The following ZNF487 variants were observed in gnomAD, a reference collection of about 807,000 sequenced individuals.
ZNF487 encodes the protein KRAB domain only 1.
A neutral mutation model predicts 3.0 loss-of-function variants in ZNF487; 4 were observed. The observed-to-expected ratio is 1.35, with a 90% CI of 0.66 to 3.08. The LOEUF (loss-of-function observed/expected upper bound fraction) is 3.08, where lower values mean the gene tolerates loss of function less well. ZNF487 is among the 30% of genes most tolerant of loss of function. The pLI is 0.01. For missense variants in ZNF487, 146 were observed against 98.7 expected (o/e 1.48, Z -2.03); for synonymous variants, 55 against 34.6 (o/e 1.59, Z -2.06).
At chr10:43,446,183 A>T (rs529045030) in intron 1 of ZNF487, among the ~76,000 whole-genome samples, 1 of 152,270 alleles carries the variant, frequency 6.6e-6, no homozygotes, top group South Asian at 2.1e-4. Flanking sequence ...GTTCTCAATG[A>T]GCTGTTGGGT....
the ZNF487 span, among the ~76,000 whole-genome samples, chr10:43,511,545 G>A: frequency 3.9e-5 from 6 of 152,286 alleles, no homozygotes; most frequent in Non-Finnish European, 8.8e-5. Flanking sequence ...CCACCAGGTA[G>A]CTGGCTGATC....
chr10:43,447,010 G>A (rs542783449), intron 1 of ZNF487, among the ~76,000 whole-genome samples: 10 of 152,078 alleles, frequency 6.6e-5, no homozygotes, highest in South Asian at 4.2e-4. Context: ...TGGCCAACAC[G>A]GCGAAACCCC....
At chr10:43,441,556 C>CAT (rs1839611367) in intron 1 of ZNF487, among the ~76,000 whole-genome samples, 1 of 151,882 alleles carries the variant, frequency 6.6e-6, no homozygotes, top group Non-Finnish European at 1.5e-5. Context: ...CATGAGCCAC[C>CAT]GCGCCTGGCC....
chr10:43,480,419 A>T (rs542253072), intron 3 of ZNF487, among the ~76,000 whole-genome samples: 7 of 140,228 alleles, frequency 5.0e-5, no homozygotes, highest in Middle Eastern at 5.3e-3. Flanking sequence ...TTTTATTATT[A>T]TTTTTTTATT....
chr10:43,446,874 A>G (rs2132047106), intron 1 of ZNF487, among the ~76,000 whole-genome samples: 1 of 152,198 alleles, frequency 6.6e-6, no homozygotes, highest in South Asian at 2.1e-4. Context: ...GTGAGCGGAG[A>G]TCACGCCACT....
At chr10:43,509,207 G>T in the ZNF487 span, among the ~76,000 whole-genome samples, 1 of 143,758 alleles carries the variant, frequency 7.0e-6, no homozygotes. Flanking sequence ...AAAAAAAAAA[G>T]AATTGAAACT....
At chr10:43,461,369 C>T (rs942284561) in intron 1 of ZNF487, among the ~76,000 whole-genome samples, 1 of 150,952 alleles carries the variant, frequency 6.6e-6, no homozygotes, top group African/African-American at 2.4e-5. Context: ...CAGGCTGGAG[C>T]GCAGTGGTGT....
chr10:43,471,908 A>T (rs1040066072), intron 1 of ZNF487, among the ~76,000 whole-genome samples: 3 of 152,202 alleles, frequency 2.0e-5, no homozygotes, highest in African/African-American at 2.4e-5. Flanking sequence ...AGCTATATAT[A>T]AAATAGGTGA....
chr10:43,497,422 G>C, the ZNF487 span, among the ~76,000 whole-genome samples: 1 of 152,212 alleles, frequency 6.6e-6, no homozygotes, highest in African/African-American at 2.4e-5. Context: ...TTTGAGCAAA[G>C]AAGTGACAGG....
chr10:43,493,710 ATATATAT>A, the ZNF487 span, among the ~76,000 whole-genome samples: 180 of 24,882 alleles, frequency 7.2e-3, 3 homozygotes, highest in African/African-American at 8.8e-3. Context: ...AAAAAAAAAA[ATATATAT>A]ATATATATAT....
chr10:43,447,455 TG>T (rs1390453041), intron 1 of ZNF487, among the ~76,000 whole-genome samples: 2 of 152,128 alleles, frequency 1.3e-5, no homozygotes, highest in African/African-American at 4.8e-5. Flanking sequence ...TTGGCCAGGC[TG>T]GTCTTGAACT....
the ZNF487 span, among the ~76,000 whole-genome samples, chr10:43,518,126 C>T: frequency 7.2e-4 from 110 of 152,228 alleles, no homozygotes; most frequent in African/African-American, 2.5e-3. Flanking sequence ...TCACAGATAC[C>T]CAGAATAAAA....
chr10:43,443,593 C>T (rs888284834), intron 1 of ZNF487, among the ~76,000 whole-genome samples: 2 of 151,926 alleles, frequency 1.3e-5, no homozygotes, highest in Non-Finnish European at 2.9e-5. Flanking sequence ...AGGCTGGTCT[C>T]GAACTCCTGA....
intron 1 of ZNF487, among the ~76,000 whole-genome samples, chr10:43,445,443 C>G (rs1233108595): frequency 6.6e-6 from 1 of 152,046 alleles, no homozygotes; most frequent in Non-Finnish European, 1.5e-5. Context: ...TTTTGTATTC[C>G]TGTGAATCTT....
chr10:43,492,035 G>GTGAT, the ZNF487 span, among the ~76,000 whole-genome samples: 1 of 151,758 alleles, frequency 6.6e-6, no homozygotes. Flanking sequence ...CTAGGCTCAA[G>GTGAT]TGATTCTTCC....
chr10:43,487,811 G>A (rs564672107), downstream of ZNF487, among the ~76,000 whole-genome samples: 2 of 151,658 alleles, frequency 1.3e-5, no homozygotes, highest in Admixed American at 6.6e-5. Flanking sequence ...GAGGCCGGGC[G>A]CAGTGGCCCT....
At chr10:43,469,875 A>G (rs58847633) in intron 1 of ZNF487, among the ~76,000 whole-genome samples, 3 of 151,904 alleles carry the variant, frequency 2.0e-5, no homozygotes, top group Non-Finnish European at 4.4e-5. Flanking sequence ...TCTTGAACCC[A>G]GGAGGCAGAG....
At chr10:43,500,304 C>T in the ZNF487 span, among the ~76,000 whole-genome samples, 1 of 152,070 alleles carries the variant, frequency 6.6e-6, no homozygotes, top group African/African-American at 2.4e-5. Context: ...GCCACCACGC[C>T]TGGCCACACC....
chr10:43,502,173 A>G, the ZNF487 span, among the ~76,000 whole-genome samples: 797 of 152,368 alleles, frequency 5.2e-3, 2 homozygotes, highest in Middle Eastern at 0.048. Flanking sequence ...AAAATTTGGC[A>G]CATATACACC....
Sources: gnomAD v4.1 joint callset for allele counts (sites outside exome capture counted in the v4.1 genomes callset) on GRCh38, gnomAD v4.1.1 for gene constraint, MANE v1.5 for transcripts, NCBI Gene and HGNC (gene_info 2026-07-23, HGNC 2026-07-21) for gene names.